ZNF345: variants seen among roughly 807,000 people sequenced by gnomAD.
ZNF345 encodes zinc finger protein 345, also known as zinc finger protein HZF10.
For synonymous variants in ZNF345, 166 were observed against 187.9 expected (o/e 0.88, Z 0.95); for missense variants, 527 against 589.9 (o/e 0.89, Z 1.10).
chr19:36,855,944 A>G (rs2146127404), intron 2 of ZNF345, among the ~76,000 whole-genome samples: 1 of 152,330 alleles, frequency 6.6e-6, no homozygotes, highest in Admixed American at 6.5e-5. Context: ...AATACGACAT[A>G]AAGAGCGTGA....
At chr19:36,884,491 C>T (rs1198374488), downstream of ZNF345, among the ~76,000 whole-genome samples, 1 of 152,144 alleles carries the variant, frequency 6.6e-6, no homozygotes, top group Non-Finnish European at 1.5e-5. Context: ...TCCTGGATGG[C>T]ATTACCTCCT....
At chr19:36,860,599 G>C (rs2072526865) in intron 2 of ZNF345, among the ~76,000 whole-genome samples, 1 of 152,114 alleles carries the variant, frequency 6.6e-6, no homozygotes, top group Non-Finnish European at 1.5e-5. Flanking sequence ...TTTGTCTTCT[G>C]GTTCTTCATG....
chr19:36,882,769 G>T (rs1018727491), downstream of ZNF345, among the ~76,000 whole-genome samples: 8 of 152,098 alleles, frequency 5.3e-5, no homozygotes, highest in Non-Finnish European at 1.2e-4. Context: ...TTTATTATTT[G>T]TGGCCAAATA....
intron 3 of ZNF345, chr19:36,888,414 CCCA>C (rs2073018054): frequency 6.6e-6 from 1 of 152,160 alleles, no homozygotes. Context: ...ATCCAGTACT[CCCA>C]CGTCAATAAA....
At chr19:36,880,565 G>T (rs905666988), downstream of ZNF345, among the ~76,000 whole-genome samples, 2 of 152,010 alleles carry the variant, frequency 1.3e-5, no homozygotes, top group Non-Finnish European at 2.9e-5. Context: ...GAGGCAGGAG[G>T]ATTGCTGGAA....
At chr19:36,860,852 C>T (rs551571066) in intron 2 of ZNF345, among the ~76,000 whole-genome samples, 4 of 151,996 alleles carry the variant, frequency 2.6e-5, no homozygotes, top group South Asian at 2.1e-4. Flanking sequence ...AACTACTCAC[C>T]AAACTTTTCC....
intron 3 of ZNF345, chr19:36,891,449 A>AATT: frequency 6.7e-7 from 1 of 1,499,186 alleles, no homozygotes; most frequent in Non-Finnish European, 8.9e-7. Context: ...GTTTTAAAAA[A>AATT]ATTATTATAA....
chr19:36,879,185 T>C lies in ZNF345; in HGVS notation c.*888T>C, dbSNP rs934461315. ...TATATGTATCTATGTCTCATCCTGT[T>C]TATGGTCAATAACTGTTACTTTTAA... is the stretch of plus-strand genomic sequence containing the variant. On this transcript the variant is annotated 3_prime_UTR_variant, in exon 3 of 3. Coordinates refer to ENST00000420450, the MANE Select transcript of ZNF345 (RefSeq NM_001242472.2). 6.0e-6 allele frequency: 1 copy of C among 167,080 alleles called. No individual in the cohort carries two copies. The highest frequency in any genetic ancestry group is 1.5e-5 in the Non-Finnish European group (1 of 68,120). The allele number at this position is 167,080 out of a possible 1,614,324, so 10.3% of individuals were successfully genotyped here.
At chr19:36,875,027 A>G (rs1441621821) in intron 2 of ZNF345, among the ~76,000 whole-genome samples, 1 of 152,188 alleles carries the variant, frequency 6.6e-6, no homozygotes, top group Admixed American at 6.5e-5. Context: ...CAAATAATTT[A>G]TTATATTATT....
chr19:36,877,907 A>C lies in ZNF345; in HGVS notation c.1077A>C (p.Gln359His). 6.2e-7 allele frequency: 1 copy of C among 1,613,926 alleles called. No homozygotes were observed. Among genetic ancestry groups the C allele is most frequent in the South Asian group, 1.1e-5 (1 of 91,072 alleles). Residue 359 changes from glutamine (Q) to histidine (H), a missense_variant, in exon 3 of 3, where the codon CAA (glutamine) becomes CAC (histidine). Transcript: ENST00000420450. ...KTFSSGSDLT[Q>H]HHRIHTGEKP... ...TTAGTAGTGGTTCAGACCTTACTCA[A>C]CATCACAGAATTCATACTGGTGAGA...
rs1207089385 is a variant in ZNF345, at chr19:36,878,094, G to A, written c.1264G>A (p.Gly422Ser). 3.1e-6 allele frequency: 5 copies of A among 1,613,954 alleles called. No homozygotes were observed. The highest frequency in any genetic ancestry group is 4.2e-6 in the Non-Finnish European group (5 of 1,180,000). ...TAATCGGCACCAGAGAATACACACT[G>A]GTGAGAAACCCTATGAATGTAAGGA... ...ALNRHQRIHT[G>S]EKPYECKECG... The change falls in exon 3 of 3, where the codon GGT becomes AGT. Residue 422 changes from glycine to serine, a missense_variant. By Grantham distance (56) the Gly-to-Ser change is moderately conservative (BLOSUM62 0). Transcript: ENST00000420450.
At chr19:36,856,907 A>G (rs57043938) in intron 2 of ZNF345, among the ~76,000 whole-genome samples, 133 of 152,220 alleles carry the variant, frequency 8.7e-4, no homozygotes, top group African/African-American at 3.2e-3. Flanking sequence ...AGAATTCCTT[A>G]TTACAACACA....
At chr19:36,866,416 G>T (rs1176369797) in intron 2 of ZNF345, among the ~76,000 whole-genome samples, 1 of 152,128 alleles carries the variant, frequency 6.6e-6, no homozygotes, top group African/African-American at 2.4e-5. Flanking sequence ...CTATTAAGTA[G>T]ATTTTGTAAA....
chr19:36,878,103 C>A lies in ZNF345; in HGVS notation c.1273C>A (p.Pro425Thr), dbSNP rs768190802. The A allele has an allele frequency of 1.2e-6, 2 of 1,614,058 alleles. No individual in the cohort carries two copies. Among genetic ancestry groups the A allele is most frequent in the East Asian group, 2.2e-5 (1 of 44,852 alleles). Residue 425 changes from proline to threonine, a missense_variant, in exon 3 of 3, where the codon CCC becomes ACC. Pro to Thr is a conservative substitution (Grantham distance 38). Transcript: ENST00000420450. ...CCAGAGAATACACACTGGTGAGAAA[C>A]CCTATGAATGTAAGGAGTGTGGGAA... ...RHQRIHTGEK[P>T]YECKECGKAF...
chr19:36,857,942 AT>A (rs548212718), intron 2 of ZNF345, among the ~76,000 whole-genome samples: 3,134 of 150,854 alleles, frequency 0.021, 84 homozygotes, highest in African/African-American at 0.061. Context: ...CACCTGGCTA[AT>A]TTTTTTTTGT....
At chr19:36,891,790 T>C in intron 3 of ZNF345, 1 of 1,614,130 alleles carries the variant, frequency 6.2e-7, no homozygotes, top group Non-Finnish European at 8.5e-7. Flanking sequence ...TGAGGCACTA[T>C]TAAAGGCCTT....
At chr19:36,871,351 A>G (rs1311878495) in intron 2 of ZNF345, among the ~76,000 whole-genome samples, 3 of 152,274 alleles carry the variant, frequency 2.0e-5, no homozygotes, top group East Asian at 3.9e-4. Context: ...TTCAGACTCT[A>G]TCATCCATCA....
chr19:36,868,020 T>TG (rs1174236832), intron 2 of ZNF345, among the ~76,000 whole-genome samples: 26 of 150,052 alleles, frequency 1.7e-4, no homozygotes, highest in African/African-American at 5.9e-4. Context: ...TTTTTTTTTT[T>TG]GAGTCAGAGT....
intron 2 of ZNF345, among the ~76,000 whole-genome samples, chr19:36,870,411 C>A (rs2072748799): frequency 6.6e-6 from 1 of 151,932 alleles, no homozygotes; most frequent in African/African-American, 2.4e-5. Context: ...CTGCTTGTAC[C>A]ACTATTACTC....
Sources: gnomAD v4.1 joint callset for allele counts (sites outside exome capture counted in the v4.1 genomes callset) on GRCh38, gnomAD v4.1.1 for gene constraint, MANE v1.5 for transcripts, NCBI Gene and HGNC (gene_info 2026-07-23, HGNC 2026-07-21) for gene names.